Variants in SLFN14 observed in about 807,000 individuals in gnomAD.
SLFN14 encodes the protein schlafen family member 14.
Under a neutral mutation model 58.6 loss-of-function variants are expected in SLFN14, and 47 were observed. The observed-to-expected ratio is 0.80, with a 90% confidence interval of 0.64 to 1.02. The LOEUF (loss-of-function observed/expected upper bound fraction) is 1.02, where lower values mean the gene tolerates loss of function less well. SLFN14 is among the 50% of genes least tolerant of loss of function. The pLI is 0.00. For synonymous variants in SLFN14, 390 were observed against 387.3 expected (o/e 1.01, Z -0.08); for missense variants, 967 against 1,078.4 (o/e 0.90, Z 1.45).
In SLFN14 at chr17:35,546,753, A is replaced by G. The variant is rs7221322; in HGVS notation, c.*1486T>C. ...TTGGAAAGTTTCACTTAGGGAGATA[A>G]TAAAAGTTTAATTGAGGTAGTAGGC... On this transcript the variant is annotated 3_prime_UTR_variant, in exon 6 of 6. Coordinates refer to ENST00000674182, the MANE Select transcript of SLFN14 (RefSeq NM_001129820.2). Among the ~76,000 whole-genome samples the G allele has an allele frequency of 0.48, 72,743 of 152,082 alleles. 18,234 individuals are homozygous for G. The highest frequency in any genetic ancestry group is 0.64 in the African/African-American group (26,487 of 41,472).
At chr17:35,554,817 G>T in intron 3 of SLFN14, 113 bp from the exon 4 acceptor site, 1 of 917,246 alleles carries the variant, frequency 1.1e-6, no homozygotes, top group Non-Finnish European at 1.5e-6. Context: ...GTGCATGGGT[G>T]CCTGAGCAGT....
chr17:35,553,455 A>G lies in SLFN14; in HGVS notation c.1190-11T>C. 6.6e-7 allele frequency: 1 copy of G among 1,521,166 alleles called. No individual in the cohort carries two copies. The highest frequency in any genetic ancestry group is 8.8e-7 in the Non-Finnish European group (1 of 1,131,648). The allele number at this position is 1,521,166 out of a possible 1,614,324, so 94.2% of individuals were successfully genotyped here. A position where few individuals can be genotyped will look rare whatever the true frequency, so the allele number is the denominator to read the frequency against. On this transcript the variant is annotated splice_polypyrimidine_tract_variant and intron_variant, in intron 4 of 5. Coordinates refer to ENST00000674182, the MANE Select transcript of SLFN14 (RefSeq NM_001129820.2). ...CCTCTTCCTGTGTCACTGAAAATTC[A>G]AGGAATAGATGTTACCAAAACTTAC...
chr17:35,556,150 A>G (rs999009022), intron 3 of SLFN14, among the ~76,000 whole-genome samples: 1 of 151,512 alleles, frequency 6.6e-6, no homozygotes, highest in Admixed American at 6.6e-5. Context: ...CAATCCTCCC[A>G]CCTCAGCCTC....
At position 35,557,525 on chromosome 17, in the gene SLFN14, C is replaced by T. The variant is rs779645675; in HGVS notation, c.538G>A (p.Glu180Lys). The change falls in exon 3 of 6, where the codon GAG (glutamate) becomes AAG (lysine). Residue 180 changes from glutamate (E) to lysine (K), a missense_variant. Glu to Lys is a moderately conservative substitution (Grantham distance 56). Transcript: ENST00000674182. The part of the protein sequence containing the change: ...QQVLNRCIQE[E>K]EDMRILASEF... ...GAGGCCAATATCCTCATATCTTCCT[C>T]TTCCTGAATGCATCTATTGAGAACC... 1.7e-5 allele frequency: 26 copies of T among 1,551,570 alleles called. 1 individual carries two copies. In the South Asian group the frequency reaches 2.7e-4, roughly 16 times the overall value.
At chr17:35,554,153 G>A (rs2072625911) in intron 4 of SLFN14, among the ~76,000 whole-genome samples, 1 of 151,794 alleles carries the variant, frequency 6.6e-6, no homozygotes, top group Admixed American at 6.6e-5. Context: ...AAAGCTAGGG[G>A]CAGTTTTTTG....
chr17:35,556,880 G>T, intron 3 of SLFN14, 123 bp downstream of exon 3: 1 of 906,294 alleles, frequency 1.1e-6, no homozygotes, highest in Admixed American at 3.0e-5. Context: ...ACTGTAATGG[G>T]AGAACACTTA....
At chr17:35,559,935 A>T (rs1184859296) in intron 1 of SLFN14, among the ~76,000 whole-genome samples, 130 bp from the exon 2 acceptor site, 1 of 152,214 alleles carries the variant, frequency 6.6e-6, no homozygotes, top group Non-Finnish European at 1.5e-5. Flanking sequence ...ATATCATAGA[A>T]TCACAGAAGT....
At chr17:35,556,151 C>T (rs1414339137) in intron 3 of SLFN14, among the ~76,000 whole-genome samples, 1 of 152,070 alleles carries the variant, frequency 6.6e-6, no homozygotes, top group Non-Finnish European at 1.5e-5. Context: ...AATCCTCCCA[C>T]CTCAGCCTCC....
chr17:35,559,374 A>T (rs2072681452), intron 2 of SLFN14, among the ~76,000 whole-genome samples: 1 of 152,170 alleles, frequency 6.6e-6, no homozygotes, highest in Non-Finnish European at 1.5e-5. Flanking sequence ...TCTAAATCTC[A>T]AAAGTACATT....
chr17:35,554,414 T>TATATATATA (rs1491401071), intron 4 of SLFN14, among the ~76,000 whole-genome samples, 162 bp downstream of exon 4: 7 of 146,942 alleles, frequency 4.8e-5, no homozygotes, highest in African/African-American at 1.5e-4. Flanking sequence ...ATATATATAT[T>TATATATATA]ATATATATAA....
Position 35,557,083 on chromosome 17 carries a change from T to C in SLFN14, c.980A>G (p.Asp327Gly). ...FCCVVFAEAPDSWIMKDNSVT... is the reference protein window; with the variant it reads ...FCCVVFAEAPGSWIMKDNSVT... ...AGAATTGTCTTTCATGATCCAGGAA[T>C]CTGGGGCCTCTGCAAACACCACGCA... Residue 327 changes from aspartate (D) to glycine (G), a missense_variant, in exon 3 of 6, where the codon GAT becomes GGT. By Grantham distance (94) the Asp-to-Gly change is moderately conservative. Coordinates refer to ENST00000674182, the MANE Select transcript of SLFN14 (RefSeq NM_001129820.2). The C allele has an allele frequency of 1.3e-6, 2 of 1,551,664 alleles. No individual in the cohort carries two copies. The highest frequency in any genetic ancestry group is 1.7e-6 in the Non-Finnish European group (2 of 1,146,986).
chr17:35,547,004 T>A lies in SLFN14; in HGVS notation c.*1235A>T, dbSNP rs961559826. ...GAAATCAGAGATGTGCAAAGGCCCC[T>A]TGTAGGAAGACTACTTTCCAGGCCA... is the stretch of plus-strand genomic sequence containing the variant. On this transcript the variant is annotated 3_prime_UTR_variant, in exon 6 of 6. Coordinates refer to ENST00000674182, the MANE Select transcript of SLFN14 (RefSeq NM_001129820.2). 5.3e-5 allele frequency among the ~76,000 whole-genome samples: 8 copies of A among 152,194 alleles called. No individual in the cohort carries two copies. Among genetic ancestry groups the A allele is most frequent in the Non-Finnish European group, 8.8e-5 (6 of 68,038 alleles).
Position 35,557,051 on chromosome 17 carries a change from G to A in SLFN14, c.1012C>T (p.Arg338Trp), listed in dbSNP as rs373686913. The change falls in exon 3 of 6, where the codon CGG becomes TGG. Residue 338 changes from arginine (R) to tryptophan (W), a missense_variant. Coordinates refer to ENST00000674182, the MANE Select transcript of SLFN14 (RefSeq NM_001129820.2). The part of the protein sequence containing the change: ...SWIMKDNSVT[R>W]LTAEQWVVMM... Reference sequence around the variant, plus strand: ...ACCACCCACTGCTCAGCTGTCAGCCGTGTGACAGAATTGTCTTTCATGATC... The same window carrying A: ...ACCACCCACTGCTCAGCTGTCAGCCATGTGACAGAATTGTCTTTCATGATC... The A allele has an allele frequency of 2.3e-4, 359 of 1,551,640 alleles. No homozygotes were observed. Among genetic ancestry groups the A allele is most frequent in the Middle Eastern group, 1.3e-3 (8 of 5,992 alleles).
At position 35,546,000 on chromosome 17, in the gene SLFN14, C is replaced by T. The variant is rs1567704166; in HGVS notation, c.*2239G>A. Reference sequence around the variant, plus strand: ...ATTGTTTCACTAGACTAAGAACTGACAAAGACTCTCAAATTCAATATTTAA... The same window carrying T: ...ATTGTTTCACTAGACTAAGAACTGATAAAGACTCTCAAATTCAATATTTAA... On this transcript the variant is annotated 3_prime_UTR_variant, in exon 6 of 6. Coordinates refer to ENST00000674182, the MANE Select transcript of SLFN14 (RefSeq NM_001129820.2). 6.6e-6 allele frequency among the ~76,000 whole-genome samples: 1 copy of T among 152,136 alleles called. No homozygotes were observed. The highest frequency in any genetic ancestry group is 1.5e-5 in the Non-Finnish European group (1 of 68,016).
chr17:35,553,511 T>C, intron 4 of SLFN14, 67 bp from the exon 5 acceptor site: 1 of 1,279,192 alleles, frequency 7.8e-7, no homozygotes, highest in African/African-American at 1.5e-5. Context: ...CCTGCAACGT[T>C]GCAGAAAAAA....
chr17:35,546,161 T>C lies in SLFN14; in HGVS notation c.*2078A>G, dbSNP rs2072533058. On this transcript the variant is annotated 3_prime_UTR_variant, in exon 6 of 6. Transcript: ENST00000674182. ...CCCACTCATACTCCTTCATACTCTGTTGACTTTGACTGTTTAAATTATTTT... is the reference window on the plus strand; with the variant it reads ...CCCACTCATACTCCTTCATACTCTGCTGACTTTGACTGTTTAAATTATTTT... Among the ~76,000 whole-genome samples, 1 of 152,232 alleles carries C rather than the reference T, an allele frequency of 6.6e-6. No individual in the cohort carries two copies. The highest frequency in any genetic ancestry group is 2.1e-4 in the South Asian group (1 of 4,830).
rs1180450737 is a variant in SLFN14, at chr17:35,548,344, C to T, written c.2634G>A (p.Gly878=). The part of the protein sequence containing the change: ...FSGLERTVVF[G]LSPECDQSEE... ...CTGACTGGTCACATTCTGGACTAAGCCCAAACACGACAGTCCTCTCCAGGC... is the reference window on the plus strand; with the variant it reads ...CTGACTGGTCACATTCTGGACTAAGTCCAAACACGACAGTCCTCTCCAGGC... The change falls in exon 6 of 6, where the codon GGG becomes GGA. Residue 878 remains glycine, a synonymous_variant. Transcript: ENST00000674182. 6.4e-7 allele frequency: 1 copy of T among 1,551,684 alleles called. No homozygotes were observed. The highest frequency in any genetic ancestry group is 2.4e-5 in the East Asian group (1 of 40,930).
intron 4 of SLFN14, among the ~76,000 whole-genome samples, chr17:35,553,660 A>G (rs1376067572): frequency 6.6e-6 from 1 of 151,824 alleles, no homozygotes; most frequent in Non-Finnish European, 1.5e-5. Context: ...TTTTTTTGTG[A>G]GACGGAGTCT....
At position 35,557,218 on chromosome 17, in the gene SLFN14, T is replaced by G. The variant is rs759604136; in HGVS notation, c.845A>C (p.His282Pro). The G allele has an allele frequency of 1.3e-6, 2 of 1,551,602 alleles. No individual in the cohort carries two copies. Among genetic ancestry groups the G allele is most frequent in the Admixed American group, 2.0e-5 (1 of 50,974 alleles). The change falls in exon 3 of 6, where the codon CAC (histidine) becomes CCC (proline). Residue 282 changes from histidine (H) to proline (P), a missense_variant. His to Pro is a moderately conservative substitution (Grantham distance 77). Transcript: ENST00000674182. ...ENCIEKLPTF[H>P]FCCEKPKVNF... The stretch of plus-strand genomic sequence containing the variant: ...TACCTTTGGCTTCTCACAGCAGAAG[T>G]GGAATGTAGGCAATTTTTCTATGCA...
Sources: gnomAD v4.1 joint callset for allele counts (sites outside exome capture counted in the v4.1 genomes callset) on GRCh38, gnomAD v4.1.1 for gene constraint, MANE v1.5 for transcripts, NCBI Gene and HGNC (gene_info 2026-07-23, HGNC 2026-07-21) for gene names.